Variants in LINGO2 observed in about 807,000 individuals in gnomAD.
LINGO2 encodes leucine rich repeat and Ig domain containing 2, also known as leucine-rich repeat and immunoglobulin-like domain-containing nogo receptor-interacting protein 2.
Under a neutral mutation model 30.6 loss-of-function variants are expected in LINGO2, and 14 were observed. The ratio of observed to expected loss-of-function variants is 0.46; its 90% CI spans 0.30 to 0.72. The LOEUF (loss-of-function observed/expected upper bound fraction) is 0.72, where lower values mean the gene tolerates loss of function less well. Ranked by LOEUF, LINGO2 falls within the 30% of genes least tolerant of loss-of-function variation. LINGO2 has a pLI of 0.07. For missense variants in LINGO2, 729 were observed against 751.7 expected (o/e 0.97, Z 0.35); for synonymous variants, 317 against 288.5 (o/e 1.10, Z -1.00).
exon 6 of LINGO2, chr9:27,950,126 G>A (rs755465879): frequency 1.2e-6 from 2 of 1,614,082 alleles, no homozygotes; most frequent in South Asian, 1.1e-5. Context: ...TCTCCAGGGT[G>A]AGCTGCTCCA....
the LINGO2 span, among the ~76,000 whole-genome samples, chr9:28,957,976 T>C: frequency 5.3e-5 from 8 of 152,342 alleles, no homozygotes; most frequent in East Asian, 1.5e-3. Context: ...ATATTGAAAC[T>C]CAAAGTAGTT....
At chr9:28,585,788 G>A (rs1824503645) in intron 1 of LINGO2, among the ~76,000 whole-genome samples, 1 of 152,000 alleles carries the variant, frequency 6.6e-6, no homozygotes, top group South Asian at 2.1e-4. Flanking sequence ...ACAGAGATGG[G>A]ATCTGTTCTT....
the LINGO2 span, among the ~76,000 whole-genome samples, chr9:28,694,424 A>T: frequency 6.6e-6 from 1 of 151,922 alleles, no homozygotes; most frequent in South Asian, 2.1e-4. Context: ...CATCTGTATT[A>T]ACAATTTCAG....
At chr9:28,297,454 A>G (rs966837471) in intron 3 of LINGO2, among the ~76,000 whole-genome samples, 1 of 152,216 alleles carries the variant, frequency 6.6e-6, no homozygotes, top group Non-Finnish European at 1.5e-5. Flanking sequence ...GCAAAAAGAC[A>G]TAAGTTCTCT....
chr9:28,424,631 T>A (rs1452031455), intron 2 of LINGO2, among the ~76,000 whole-genome samples: 2 of 152,192 alleles, frequency 1.3e-5, no homozygotes, highest in Non-Finnish European at 2.9e-5. Context: ...TTAATTAACA[T>A]GTAAGCCGAC....
At chr9:28,134,386 A>C (rs1827457660) in intron 4 of LINGO2, among the ~76,000 whole-genome samples, 2 of 152,142 alleles carry the variant, frequency 1.3e-5, no homozygotes, top group Admixed American at 1.3e-4. Context: ...GAAAACAAAG[A>C]AACAAACAAA....
chr9:28,016,024 G>C (rs59273631), intron 4 of LINGO2, among the ~76,000 whole-genome samples: 2 of 144,922 alleles, frequency 1.4e-5, no homozygotes, highest in African/African-American at 5.1e-5. Flanking sequence ...AGATACCTCA[G>C]GGATATATTA....
chr9:28,996,279 T>C, the LINGO2 span, among the ~76,000 whole-genome samples: 1 of 152,208 alleles, frequency 6.6e-6, no homozygotes, highest in African/African-American at 2.4e-5. Context: ...AGCACAATTA[T>C]ACTGAATGCA....
intron 1 of LINGO2, among the ~76,000 whole-genome samples, chr9:28,535,718 G>A (rs1315099079): frequency 2.1e-5 from 3 of 142,066 alleles, no homozygotes; most frequent in South Asian, 2.2e-4. Flanking sequence ...ACACACACAC[G>A]TGTGGACGCA....
chr9:28,913,984 G>C, the LINGO2 span, among the ~76,000 whole-genome samples: 3 of 152,108 alleles, frequency 2.0e-5, no homozygotes, highest in African/African-American at 7.2e-5. Flanking sequence ...TGACATATCG[G>C]CTTCATTGTT....
intron 4 of LINGO2, among the ~76,000 whole-genome samples, chr9:28,256,436 T>C (rs1007505695): frequency 1.3e-5 from 2 of 151,870 alleles, no homozygotes; most frequent in African/African-American, 2.4e-5. Flanking sequence ...GTAAGCCAGA[T>C]AGGAAAGTTT....
intron 3 of LINGO2, among the ~76,000 whole-genome samples, chr9:28,337,199 G>A (rs1002288398): frequency 2.6e-5 from 4 of 151,302 alleles, no homozygotes; most frequent in South Asian, 2.1e-4. Context: ...CTCTCTTTGT[G>A]CTTTTCTGTA....
intron 5 of LINGO2, among the ~76,000 whole-genome samples, chr9:27,988,418 T>TC: frequency 6.6e-6 from 1 of 152,170 alleles, no homozygotes; most frequent in Middle Eastern, 3.4e-3. Flanking sequence ...CCCTGAGGAA[T>TC]CACCACACTG....
the LINGO2 span, among the ~76,000 whole-genome samples, chr9:29,095,687 G>C: frequency 7.2e-6 from 1 of 138,948 alleles, no homozygotes; most frequent in Non-Finnish European, 1.6e-5. Context: ...TTAAAGACCG[G>C]AAGATAGTAC....
At chr9:27,980,269 T>C (rs540535503) in intron 5 of LINGO2, among the ~76,000 whole-genome samples, 1 of 152,072 alleles carries the variant, frequency 6.6e-6, no homozygotes, top group East Asian at 1.9e-4. Context: ...TGCCTTTCTA[T>C]GCCATTTATT....
intron 4 of LINGO2, among the ~76,000 whole-genome samples, chr9:28,029,225 G>A (rs892651754): frequency 1.3e-5 from 2 of 152,090 alleles, no homozygotes; most frequent in African/African-American, 4.8e-5. Flanking sequence ...TCAAACTTTA[G>A]TGCATATTAC....
chr9:28,841,916 T>G, the LINGO2 span, among the ~76,000 whole-genome samples: 1 of 151,794 alleles, frequency 6.6e-6, no homozygotes, highest in African/African-American at 2.4e-5. Context: ...CTTCCTCATT[T>G]AGATAATCTG....
At chr9:28,593,480 T>C (rs1825023678) in intron 1 of LINGO2, among the ~76,000 whole-genome samples, 2 of 152,216 alleles carry the variant, frequency 1.3e-5, no homozygotes, top group Non-Finnish European at 1.5e-5. Context: ...CCATATGTTT[T>C]GTAAAATAGA....
At chr9:29,085,915 T>A in the LINGO2 span, among the ~76,000 whole-genome samples, 2 of 152,148 alleles carry the variant, frequency 1.3e-5, no homozygotes, top group African/African-American at 4.8e-5. Context: ...CTACACTACT[T>A]ATTCCTGTTA....
Sources: gnomAD v4.1 joint callset for allele counts (sites outside exome capture counted in the v4.1 genomes callset) on GRCh38, gnomAD v4.1.1 for gene constraint, MANE v1.5 for transcripts, NCBI Gene and HGNC (gene_info 2026-07-23, HGNC 2026-07-21) for gene names.